The following FNDC3A variants were observed in gnomAD, a reference collection of about 807,000 sequenced individuals.
FNDC3A encodes the protein fibronectin type-III domain-containing protein 3A.
FNDC3A carries 32 observed loss-of-function variants against 148.9 expected under a neutral mutation model. The observed-to-expected ratio is 0.21, with a 90% confidence interval of 0.16 to 0.29. The LOEUF (loss-of-function observed/expected upper bound fraction) is 0.29. Among genes scored for constraint, FNDC3A ranks in the 10% least tolerant of loss-of-function variants. FNDC3A has a pLI of 1.00. For synonymous variants in FNDC3A, 472 were observed against 473.6 expected (o/e 1.00, Z 0.04); for missense variants, 1,191 against 1,452.8 (o/e 0.82, Z 2.93).
chr13:49,057,936 C>T (rs1368061672), intron 2 of FNDC3A, among the ~76,000 whole-genome samples: 1 of 151,984 alleles, frequency 6.6e-6, no homozygotes, highest in Non-Finnish European at 1.5e-5. Context: ...TTGTATCTCC[C>T]CCCCAAAATT....
intron 2 of FNDC3A, among the ~76,000 whole-genome samples, chr13:49,011,771 AG>A (rs1437292154): frequency 6.6e-6 from 1 of 152,180 alleles, no homozygotes; most frequent in Middle Eastern, 3.2e-3. Context: ...TACTCTGGCC[AG>A]GGCAACAGAG....
intron 8 of FNDC3A, among the ~76,000 whole-genome samples, chr13:49,150,237 C>T (rs1039331338): frequency 1.3e-5 from 2 of 151,716 alleles, no homozygotes; most frequent in African/African-American, 4.9e-5. Context: ...CTGCACCTGG[C>T]TGTCTGCTCT....
intron 14 of FNDC3A, among the ~76,000 whole-genome samples, chr13:49,182,988 T>C (rs967125243): frequency 6.6e-6 from 1 of 152,208 alleles, no homozygotes; most frequent in African/African-American, 2.4e-5. Flanking sequence ...CCAGGTTCTT[T>C]TCTATACCTA....
chr13:49,136,698 T>C (rs1707500081), intron 6 of FNDC3A, 97 bp downstream of exon 6: 1 of 1,230,442 alleles, frequency 8.1e-7, no homozygotes, highest in South Asian at 1.5e-5. Context: ...TTTGTCATGG[T>C]CCAAATAGAC....
At chr13:49,024,146 G>A (rs1361151830) in intron 2 of FNDC3A, among the ~76,000 whole-genome samples, 1 of 151,766 alleles carries the variant, frequency 6.6e-6, no homozygotes, top group Non-Finnish European at 1.5e-5. Context: ...ATAAATTACT[G>A]GACACATTCA....
At position 49,147,369 on chromosome 13, in the gene FNDC3A, C is replaced by T. The variant is rs139602219; in HGVS notation, c.977+1434C>T. On this transcript the variant is annotated intron_variant, in intron 8 of 25. Transcript: ENST00000492622. ...CAACTGCCCAGTTCATTAAAATGTA[C>T]TTTCAGCCTTGAAACATATTTATTT... is the stretch of plus-strand genomic sequence containing the variant. Among the ~76,000 whole-genome samples, 1,231 of 152,174 alleles carry T rather than the reference C, an allele frequency of 8.1e-3. 47 individuals carry two copies. Among genetic ancestry groups the T allele is most frequent in the Admixed American group, 0.068 (1,039 of 15,290 alleles).
intron 2 of FNDC3A, among the ~76,000 whole-genome samples, chr13:49,058,607 G>A (rs562335971): frequency 1.5e-4 from 23 of 152,242 alleles, no homozygotes; most frequent in East Asian, 7.7e-4. Context: ...GCGGTCTTCC[G>A]TAAGCCAAAC....
In FNDC3A at chr13:49,207,308, C is replaced by G; in HGVS notation, c.3510C>G (p.Asp1170Glu). Residue 1170 changes from aspartate to glutamate, a missense_variant, in exon 26 of 26, where the codon GAC (aspartate) becomes GAG (glutamate). Physicochemically the swap from Asp to Glu is conservative, Grantham distance 45. Transcript: ENST00000492622. ...ESTRTRRALS[D>E]EQCAAVILVL... ...CAAGGACCCGACGGGCACTGAGTGACGAGCAGTGTGCTGCCGTCATCCTTG... is the reference window on the plus strand; with the variant it reads ...CAAGGACCCGACGGGCACTGAGTGAGGAGCAGTGTGCTGCCGTCATCCTTG... 15 of 1,614,022 alleles carry G rather than the reference C, an allele frequency of 9.3e-6. No homozygotes were observed. Among genetic ancestry groups the G allele is most frequent in the Non-Finnish European group, 1.3e-5 (15 of 1,179,884 alleles).
At chr13:49,110,927 T>A (rs774035172) in intron 3 of FNDC3A, among the ~76,000 whole-genome samples, 1 of 152,204 alleles carries the variant, frequency 6.6e-6, no homozygotes, top group Non-Finnish European at 1.5e-5. Context: ...AGACAATTGG[T>A]TAGAATTGTT....
chr13:49,202,928 C>G (rs746797277), intron 24 of FNDC3A, among the ~76,000 whole-genome samples: 1 of 152,162 alleles, frequency 6.6e-6, no homozygotes, highest in Non-Finnish European at 1.5e-5. Context: ...GAGCTATGAT[C>G]GCACCACTGT....
chr13:49,025,715 A>C (rs766655710), intron 2 of FNDC3A, among the ~76,000 whole-genome samples: 6 of 152,226 alleles, frequency 3.9e-5, no homozygotes, highest in Admixed American at 6.5e-5. Flanking sequence ...GGAAGAAAGG[A>C]GATTGGAGTT....
chr13:49,084,863 G>T (rs188646969), intron 3 of FNDC3A, among the ~76,000 whole-genome samples: 104 of 152,090 alleles, frequency 6.8e-4, no homozygotes, highest in African/African-American at 2.3e-3. Flanking sequence ...TGCCAGTAGG[G>T]GTTTATCCTT....
At chr13:49,105,265 C>T (rs190556222) in intron 3 of FNDC3A, among the ~76,000 whole-genome samples, 45 of 152,208 alleles carry the variant, frequency 3.0e-4, no homozygotes, top group Admixed American at 8.5e-4. Context: ...TTAATATACT[C>T]GGGAAAACTA....
intron 8 of FNDC3A, among the ~76,000 whole-genome samples, chr13:49,160,415 T>A (rs950045205): frequency 6.6e-6 from 1 of 152,228 alleles, no homozygotes; most frequent in African/African-American, 2.4e-5. Context: ...TAGAGGTGTT[T>A]ATAGTATTCT....
intron 3 of FNDC3A, among the ~76,000 whole-genome samples, chr13:49,106,309 C>T (rs1325932631): frequency 6.6e-6 from 1 of 152,076 alleles, no homozygotes; most frequent in Non-Finnish European, 1.5e-5. Flanking sequence ...TTTTACCCTA[C>T]TCTGTTTTAT....
intron 3 of FNDC3A, among the ~76,000 whole-genome samples, chr13:49,085,301 A>C (rs1878733169): frequency 6.6e-6 from 1 of 152,236 alleles, no homozygotes; most frequent in Non-Finnish European, 1.5e-5. Flanking sequence ...CCTCATGGTA[A>C]GTTATTTGCC....
At chr13:49,030,103 T>C (rs1873998443) in intron 2 of FNDC3A, among the ~76,000 whole-genome samples, 2 of 152,058 alleles carry the variant, frequency 1.3e-5, no homozygotes, top group Non-Finnish European at 2.9e-5. Flanking sequence ...CACAGACCAA[T>C]ATCCCTTATG....
intron 3 of FNDC3A, among the ~76,000 whole-genome samples, chr13:49,088,638 G>A (rs1200098596): frequency 3.3e-5 from 5 of 152,070 alleles, no homozygotes; most frequent in African/African-American, 1.2e-4. Flanking sequence ...CTTCTTCTTG[G>A]ACACTGTTCT....
intron 14 of FNDC3A, among the ~76,000 whole-genome samples, chr13:49,184,592 G>A (rs1365828176): frequency 3.9e-5 from 6 of 152,058 alleles, no homozygotes; most frequent in South Asian, 2.1e-4. Context: ...TGAACCTGCC[G>A]GCTGCTCCAC....
Sources: gnomAD v4.1 joint callset for allele counts (sites outside exome capture counted in the v4.1 genomes callset) on GRCh38, gnomAD v4.1.1 for gene constraint, MANE v1.5 for transcripts, NCBI Gene and HGNC (gene_info 2026-07-23, HGNC 2026-07-21) for gene names.